PABPC4L: variants seen among roughly 807,000 people sequenced by gnomAD.
The protein encoded by PABPC4L is polyadenylate-binding protein 4-like.
For missense variants in PABPC4L, 452 were observed against 451.4 expected (o/e 1.00, Z -0.01); for synonymous variants, 169 against 164.1 (o/e 1.03, Z -0.23).
chr4:134,002,314 T>C, the PABPC4L span, among the ~76,000 whole-genome samples: 3 of 151,830 alleles, frequency 2.0e-5, no homozygotes, highest in African/African-American at 7.2e-5. Flanking sequence ...ATTCATTATA[T>C]CCTTATTTAA....
At chr4:134,055,941 T>C in the PABPC4L span, among the ~76,000 whole-genome samples, 3 of 152,018 alleles carry the variant, frequency 2.0e-5, no homozygotes, top group African/African-American at 7.2e-5. Flanking sequence ...AGTGTCAAAG[T>C]TCTGGATTTC....
the PABPC4L span, among the ~76,000 whole-genome samples, chr4:133,982,401 A>G: frequency 6.6e-6 from 1 of 152,012 alleles, no homozygotes; most frequent in African/African-American, 2.4e-5. Flanking sequence ...TCTTTCAACA[A>G]TTATTCAGTA....
the PABPC4L span, among the ~76,000 whole-genome samples, chr4:134,062,231 G>T: frequency 3.3e-5 from 5 of 151,912 alleles, no homozygotes; most frequent in African/African-American, 4.8e-5. Flanking sequence ...GAGGTTTGGA[G>T]GTATATCAGC....
At chr4:133,960,966 C>T in the PABPC4L span, among the ~76,000 whole-genome samples, 1 of 152,278 alleles carries the variant, frequency 6.6e-6, no homozygotes, top group East Asian at 1.9e-4. Context: ...ACCTGATGGT[C>T]TTTCCCTATC....
chr4:133,961,607 G>A, the PABPC4L span, among the ~76,000 whole-genome samples: 2 of 152,062 alleles, frequency 1.3e-5, no homozygotes, highest in South Asian at 4.1e-4. Flanking sequence ...ACGCCCTTTG[G>A]GTCCCCTCCC....
the PABPC4L span, among the ~76,000 whole-genome samples, chr4:133,997,878 T>C: frequency 1.3e-5 from 2 of 152,166 alleles, no homozygotes; most frequent in African/African-American, 4.8e-5. Flanking sequence ...TCTTGTCTTA[T>C]CTTTTAATTT....
the PABPC4L span, among the ~76,000 whole-genome samples, chr4:133,957,917 G>A: frequency 2.0e-5 from 3 of 152,166 alleles, no homozygotes; most frequent in Admixed American, 1.3e-4. Context: ...CAGAGCAGGG[G>A]GCCCTGTGCC....
the PABPC4L span, among the ~76,000 whole-genome samples, chr4:134,096,238 G>A: frequency 6.6e-6 from 1 of 151,930 alleles, no homozygotes; most frequent in Non-Finnish European, 1.5e-5. Context: ...AAAGTAAGAA[G>A]ATGAAAGTGA....
chr4:134,121,279 T>C, the PABPC4L span, among the ~76,000 whole-genome samples: 1 of 151,556 alleles, frequency 6.6e-6, no homozygotes, highest in Non-Finnish European at 1.5e-5. Context: ...TGGGTCTGTT[T>C]ATATTATCTT....
At chr4:134,137,146 T>C in the PABPC4L span, among the ~76,000 whole-genome samples, 2 of 152,018 alleles carry the variant, frequency 1.3e-5, no homozygotes, top group African/African-American at 2.4e-5. Context: ...GGATTTACCT[T>C]GTTCAGGAAA....
the PABPC4L span, among the ~76,000 whole-genome samples, chr4:134,042,307 G>C: frequency 2.0e-5 from 3 of 152,166 alleles, no homozygotes; most frequent in Non-Finnish European, 4.4e-5. Context: ...GGGGTGGGCA[G>C]GGAGTGAAGG....
chr4:134,200,065 T>C lies in PABPC4L; in HGVS notation c.955A>G (p.Ile319Val). 1 of 1,551,680 alleles carries C rather than the reference T, an allele frequency of 6.4e-7. No individual in the cohort carries two copies. Among genetic ancestry groups the C allele is most frequent in the Non-Finnish European group, 8.7e-7 (1 of 1,146,982 alleles). ...LRNEFSSFGSISRVKVMQEEG... is the reference protein window; with the variant it reads ...LRNEFSSFGSVSRVKVMQEEG... ...TCCTGCATTACCTTAACTCTGCTAA[T>C]TGATCCAAATGAAGAAAATTCGTTT... is the stretch of plus-strand genomic sequence containing the variant. Residue 319 changes from isoleucine to valine, a missense_variant, in exon 2 of 2, where the codon ATT (isoleucine) becomes GTT (valine). Ile to Val is a conservative substitution (Grantham distance 29). Transcript: ENST00000421491.
the PABPC4L span, among the ~76,000 whole-genome samples, chr4:134,048,109 CT>C: frequency 1.4e-4 from 22 of 151,904 alleles, no homozygotes; most frequent in African/African-American, 5.3e-4. Context: ...AAATGTTGCC[CT>C]TCAAGGCACT....
the PABPC4L span, among the ~76,000 whole-genome samples, chr4:134,129,980 G>A: frequency 6.7e-6 from 1 of 149,926 alleles, no homozygotes; most frequent in African/African-American, 2.5e-5. Flanking sequence ...CAGGAGAATC[G>A]CTTGAACCCA....
At chr4:134,082,344 G>T in the PABPC4L span, among the ~76,000 whole-genome samples, 1 of 152,038 alleles carries the variant, frequency 6.6e-6, no homozygotes, top group Admixed American at 6.6e-5. Context: ...AGGATTTGGG[G>T]TATAAAGATG....
At chr4:134,025,872 T>G in the PABPC4L span, among the ~76,000 whole-genome samples, 24 of 152,078 alleles carry the variant, frequency 1.6e-4, no homozygotes, top group Non-Finnish European at 1.0e-4. Context: ...CTAACATAAT[T>G]TTTTTACCAG....
chr4:134,189,990 A>G, the PABPC4L span, among the ~76,000 whole-genome samples: 1 of 152,228 alleles, frequency 6.6e-6, no homozygotes, highest in South Asian at 2.1e-4. Context: ...TCACTGTGAG[A>G]AACTGGGACT....
the PABPC4L span, among the ~76,000 whole-genome samples, chr4:134,054,092 A>T: frequency 6.6e-6 from 1 of 151,612 alleles, no homozygotes; most frequent in Non-Finnish European, 1.5e-5. Flanking sequence ...AATACTAGAC[A>T]AATAATAAAC....
the PABPC4L span, among the ~76,000 whole-genome samples, chr4:134,166,085 A>G: frequency 2.6e-5 from 4 of 152,188 alleles, no homozygotes; most frequent in African/African-American, 9.6e-5. Flanking sequence ...ATGGGTATGC[A>G]AAGGCATACA....
Sources: allele counts gnomAD v4.1 joint callset (sites outside exome capture counted in the v4.1 genomes callset), GRCh38; gene constraint gnomAD v4.1.1; transcripts MANE v1.5; gene names NCBI Gene and HGNC (gene_info 2026-07-23, HGNC 2026-07-21).